SPACA7: variants seen among roughly 807,000 people sequenced by gnomAD.
SPACA7 encodes sperm acrosome-associated protein 7.
In SPACA7, 19 loss-of-function variants were observed where a neutral mutation model predicts 26.3. That is an observed-to-expected ratio of 0.72 (90% confidence interval 0.50 to 1.06). SPACA7 has a LOEUF of 1.06. SPACA7 is among the 50% of genes least tolerant of loss of function. SPACA7 has a pLI of 0.00. For synonymous variants in SPACA7, 84 were observed against 84.5 expected, an observed-to-expected ratio of 0.99 and a Z score of 0.04; for missense variants, 211 against 229.9, an observed-to-expected ratio of 0.92 and a Z score of 0.53.
chr13:112,392,366 A>G (rs962129207), intron 1 of SPACA7, among the ~76,000 whole-genome samples: 1 of 152,152 alleles, frequency 6.6e-6, no homozygotes, highest in Admixed American at 6.5e-5. Context: ...CCCATATTCC[A>G]GACCTCGGCA....
chr13:112,382,259 TTTG>T, intron 1 of SPACA7: 1 of 572,650 alleles, frequency 1.7e-6, no homozygotes, highest in Non-Finnish European at 2.9e-6. Context: ...GTTGTTTTGT[TTTG>T]TTTTGTTTTT....
intron 6 of SPACA7, among the ~76,000 whole-genome samples, chr13:112,433,381 C>T (rs1367836637): frequency 6.7e-6 from 1 of 149,168 alleles, no homozygotes; most frequent in Non-Finnish European, 1.5e-5. Context: ...GCACCCACCA[C>T]GTGCCAGGCA....
intron 1 of SPACA7, among the ~76,000 whole-genome samples, chr13:112,378,373 C>G (rs1883828869): frequency 6.6e-6 from 1 of 152,106 alleles, no homozygotes; most frequent in African/African-American, 2.4e-5. Flanking sequence ...CTATGGTCAC[C>G]CTCTTTTTTT....
intron 5 of SPACA7, among the ~76,000 whole-genome samples, chr13:112,421,972 G>A (rs942405370): frequency 2.6e-5 from 4 of 152,114 alleles, no homozygotes; most frequent in African/African-American, 9.7e-5. Context: ...AGTGGAGAAT[G>A]GGAGGAGGGA....
intron 5 of SPACA7, among the ~76,000 whole-genome samples, chr13:112,419,265 ATTT>A (rs1566484134): frequency 6.6e-6 from 1 of 152,186 alleles, no homozygotes. Context: ...TAACCACTGA[ATTT>A]TTTAATAGCC....
chr13:112,417,166 T>C (rs1325268018), intron 5 of SPACA7, among the ~76,000 whole-genome samples: 1 of 152,206 alleles, frequency 6.6e-6, no homozygotes. Flanking sequence ...TAGACTCACC[T>C]ATTATTTTTC....
chr13:112,395,872 G>A (rs1275716030), intron 2 of SPACA7, among the ~76,000 whole-genome samples: 1 of 152,180 alleles, frequency 6.6e-6, no homozygotes, highest in African/African-American at 2.4e-5. Context: ...AAAACAAAGA[G>A]CTTCCTAACC....
chr13:112,406,742 A>G (rs367812111), intron 5 of SPACA7, among the ~76,000 whole-genome samples: 3 of 152,216 alleles, frequency 2.0e-5, no homozygotes, highest in Non-Finnish European at 1.5e-5. Flanking sequence ...ATAATTCATC[A>G]CAACTCTATC....
intron 1 of SPACA7, among the ~76,000 whole-genome samples, chr13:112,386,230 C>T (rs776705240): frequency 2.0e-5 from 3 of 152,168 alleles, no homozygotes; most frequent in East Asian, 1.9e-4. Context: ...TTCCAGATGC[C>T]CAAGAGCATG....
At chr13:112,407,646 C>A (rs551937804) in intron 5 of SPACA7, among the ~76,000 whole-genome samples, 11 of 151,998 alleles carry the variant, frequency 7.2e-5, no homozygotes, top group Admixed American at 4.6e-4. Flanking sequence ...TGGACACGTA[C>A]ACCCTCCCAA....
At chr13:112,380,405 CA>C (rs5806946) in intron 1 of SPACA7, among the ~76,000 whole-genome samples, 8,075 of 73,922 alleles carry the variant, frequency 0.11, 155 homozygotes, top group Non-Finnish European at 0.12. Context: ...AACTCAGTCT[CA>C]AAAAAAAAAA....
chr13:112,383,969 T>C lies in SPACA7; in HGVS notation c.94+7490T>C, dbSNP rs559843957. On this transcript the variant is annotated intron_variant, in intron 1 of 6. Coordinates refer to ENST00000283550, the MANE Select transcript of SPACA7 (RefSeq NM_145248.5). The stretch of plus-strand genomic sequence containing the variant: ...GAAATCAGGTAGAGAGAAACAAATA[T>C]GTTGTAAATTTTGTTCACAGGAGTA... Among the ~76,000 whole-genome samples the C allele has an allele frequency of 3.9e-5, 6 of 152,340 alleles. No individual in the cohort carries two copies. In the East Asian group the frequency reaches 1.2e-3, roughly 29 times the overall value.
At chr13:112,382,566 C>A in intron 1 of SPACA7, 2 of 1,530,140 alleles carry the variant, frequency 1.3e-6, no homozygotes, top group Non-Finnish European at 1.8e-6. Flanking sequence ...CCTGGCTGGG[C>A]TTCCAAGGCT....
At chr13:112,417,839 A>C (rs1886788815) in intron 5 of SPACA7, among the ~76,000 whole-genome samples, 1 of 152,204 alleles carries the variant, frequency 6.6e-6, no homozygotes, top group African/African-American at 2.4e-5. Flanking sequence ...GCATGGAGTG[A>C]ATGTAGGGCA....
Position 112,401,111 on chromosome 13 carries a change from A to C in SPACA7, c.392A>C (p.Asn131Thr). ...AATCTCCATGGCGATCCTTCTGAGA[A>C]TTATCGTGGGCCACAGGTGTCTCCT... ...NANLHGDPSE[N>T]YRGPQVSPGS... The change falls in exon 5 of 7, where the codon AAT (asparagine) becomes ACT (threonine). Residue 131 changes from asparagine (N) to threonine (T), a missense_variant. Transcript: ENST00000283550. The C allele has an allele frequency of 6.2e-7, 1 of 1,614,196 alleles. No individual in the cohort carries two copies. The highest frequency in any genetic ancestry group is 8.5e-7 in the Non-Finnish European group (1 of 1,180,034).
At chr13:112,428,449 G>A (rs1876749778) in intron 5 of SPACA7, among the ~76,000 whole-genome samples, 2 of 151,962 alleles carry the variant, frequency 1.3e-5, no homozygotes, top group Admixed American at 1.3e-4. Context: ...GCTTGGTGGT[G>A]GGCACCAGTA....
intron 1 of SPACA7, among the ~76,000 whole-genome samples, chr13:112,384,919 A>C (rs1476837832): frequency 6.6e-6 from 1 of 152,246 alleles, no homozygotes; most frequent in Non-Finnish European, 1.5e-5. Flanking sequence ...AAGCTAGTTT[A>C]TCAAATAAAA....
chr13:112,432,897 C>T (rs1479382235), intron 6 of SPACA7, among the ~76,000 whole-genome samples: 1 of 152,198 alleles, frequency 6.6e-6, no homozygotes, highest in East Asian at 1.9e-4. Context: ...AGGGCCCCCA[C>T]ATCCCCTTCA....
At chr13:112,423,585 T>A (rs942054368) in intron 5 of SPACA7, among the ~76,000 whole-genome samples, 2 of 151,876 alleles carry the variant, frequency 1.3e-5, no homozygotes, top group Non-Finnish European at 2.9e-5. Context: ...CCAGGAAACA[T>A]AAAAGGTAAG....
Sources: allele counts gnomAD v4.1 joint callset (sites outside exome capture counted in the v4.1 genomes callset), GRCh38; gene constraint gnomAD v4.1.1; transcripts MANE v1.5; gene names NCBI Gene and HGNC (gene_info 2026-07-23, HGNC 2026-07-21).